CNOT6: variants seen among roughly 807,000 people sequenced by gnomAD.
The protein encoded by CNOT6 is CCR4-NOT transcription complex subunit 6.
Under a neutral mutation model 61.2 loss-of-function variants are expected in CNOT6, and 12 were observed. That is an observed-to-expected ratio of 0.20 (90% confidence interval 0.13 to 0.32). The LOEUF is 0.32. Ranked by LOEUF, CNOT6 falls within the 10% of genes least tolerant of loss-of-function variation. CNOT6 has a pLI of 1.00. For missense variants in CNOT6, 405 were observed against 663.9 expected (o/e 0.61, Z 4.28); for synonymous variants, 225 against 240.6 (o/e 0.94, Z 0.60).
intron 1 of CNOT6, 24 bp from the exon 2 acceptor site, chr5:180,529,251 C>G (rs780090211): frequency 2.8e-6 from 3 of 1,066,998 alleles, no homozygotes; most frequent in South Asian, 2.6e-5. Context: ...TTTTAGAATA[C>G]TGATTGGTTT....
rs1171830098 is a variant in CNOT6, at chr5:180,575,370, G to A, written c.*1170G>A. ...CCAGATCCAAGCACTGCTTCTCGGTGTCATTGCAGTGTGCTGCTTGTCACC... is the reference window on the plus strand; with the variant it reads ...CCAGATCCAAGCACTGCTTCTCGGTATCATTGCAGTGTGCTGCTTGTCACC... On this transcript the variant is annotated 3_prime_UTR_variant, in exon 12 of 12. Coordinates refer to ENST00000261951, the MANE Select transcript of CNOT6 (RefSeq NM_001370472.1). 6.6e-6 allele frequency: 1 copy of A among 152,068 alleles called. No individual in the cohort carries two copies. The highest frequency in any genetic ancestry group is 2.4e-5 in the African/African-American group (1 of 41,388). 9.4% of individuals were successfully genotyped at this position (152,068 alleles called of 1,614,324 possible). A position where few individuals can be genotyped will look rare whatever the true frequency, so the allele number is the denominator to read the frequency against.
At chr5:180,569,871 T>A (rs963960413) in intron 10 of CNOT6, among the ~76,000 whole-genome samples, 1 of 152,238 alleles carries the variant, frequency 6.6e-6, no homozygotes, top group Non-Finnish European at 1.5e-5. Flanking sequence ...AAGCCTGATC[T>A]GGAGCGCTCT....
At chr5:180,509,747 C>T (rs1480711639) in intron 1 of CNOT6, among the ~76,000 whole-genome samples, 1 of 151,504 alleles carries the variant, frequency 6.6e-6, no homozygotes, top group Non-Finnish European at 1.5e-5. Flanking sequence ...GACAGGATCT[C>T]CCTATGCTGC....
chr5:180,571,762 C>T (rs1581576913), intron 11 of CNOT6, among the ~76,000 whole-genome samples: 2 of 152,050 alleles, frequency 1.3e-5, no homozygotes, highest in Admixed American at 6.6e-5. Context: ...GATGGGGTCT[C>T]GCTATGCCCA....
intron 1 of CNOT6, among the ~76,000 whole-genome samples, chr5:180,499,113 A>G (rs1756750693): frequency 6.6e-6 from 1 of 152,172 alleles, no homozygotes. Flanking sequence ...TAACTTGGAT[A>G]TGGTGTCTTC....
intron 3 of CNOT6, among the ~76,000 whole-genome samples, chr5:180,551,197 T>C (rs1460041582): frequency 1.3e-4 from 19 of 148,442 alleles, no homozygotes; most frequent in Admixed American, 1.3e-3. Context: ...AAAAAAAAAA[T>C]CCCCAGATAA....
At chr5:180,500,058 G>C (rs1233971093) in intron 1 of CNOT6, among the ~76,000 whole-genome samples, 1 of 152,044 alleles carries the variant, frequency 6.6e-6, no homozygotes, top group Non-Finnish European at 1.5e-5. Context: ...TCTCTAATTT[G>C]TGTATCAATC....
chr5:180,569,457 C>G (rs1581573522), intron 10 of CNOT6, 117 bp downstream of exon 10: 2 of 798,442 alleles, frequency 2.5e-6, no homozygotes, highest in Admixed American at 2.6e-5. Context: ...GTAATGGCAG[C>G]TATGAGCAGG....
chr5:180,522,605 T>C (rs1757926653), intron 1 of CNOT6, among the ~76,000 whole-genome samples: 1 of 152,118 alleles, frequency 6.6e-6, no homozygotes, highest in Admixed American at 6.6e-5. Context: ...TGATTTGCAT[T>C]TTTCTGTTTA....
chr5:180,566,653 T>G (rs1228909815), intron 7 of CNOT6, among the ~76,000 whole-genome samples: 1 of 145,014 alleles, frequency 6.9e-6, no homozygotes, highest in East Asian at 2.0e-4. Context: ...TTTTTTTTTT[T>G]TTTTTTTTTT....
intron 1 of CNOT6, among the ~76,000 whole-genome samples, chr5:180,497,597 A>G (rs1171501641): frequency 1.3e-5 from 2 of 152,066 alleles, no homozygotes; most frequent in African/African-American, 2.4e-5. Context: ...GAAAGCATTT[A>G]TTACTTTGGA....
chr5:180,498,024 A>C (rs1265630872), intron 1 of CNOT6, among the ~76,000 whole-genome samples: 2 of 151,936 alleles, frequency 1.3e-5, no homozygotes, highest in African/African-American at 4.8e-5. Flanking sequence ...GCCTGGGCAA[A>C]AAGAGTGAAA....
intron 2 of CNOT6, among the ~76,000 whole-genome samples, chr5:180,546,131 T>C (rs984822892): frequency 6.6e-6 from 1 of 152,150 alleles, no homozygotes; most frequent in Non-Finnish European, 1.5e-5. Flanking sequence ...CCTGACCTCA[T>C]GATCCACCCG....
In CNOT6 at chr5:180,569,138, A is replaced by G. The variant is rs778107557; in HGVS notation, c.1056A>G (p.Lys352=). Residue 352 remains lysine, a synonymous_variant, in exon 10 of 12, where the codon AAA becomes AAG. Transcript: ENST00000261951. ...PSGKPHLGTE[K]QLILVANAHM... ...GAAAGCCACATCTTGGAACAGAAAA[A>G]CAACTTATTCTTGTGGCTAACGCCC... The G allele has an allele frequency of 6.2e-7, 1 of 1,614,018 alleles. No individual in the cohort carries two copies. The highest frequency in any genetic ancestry group is 8.5e-7 in the Non-Finnish European group (1 of 1,179,974).
chr5:180,500,314 G>A lies in CNOT6; in HGVS notation c.-3+5551G>A, dbSNP rs551529770. 6.6e-5 allele frequency among the ~76,000 whole-genome samples: 10 copies of A among 152,020 alleles called. No individual in the cohort carries two copies. The East Asian group carries it at 1.5e-3, about 24-fold the overall frequency. ...TTTAGTAGAGATGAGGTCTCTCTAC[G>A]TTGCCCGGTTTGGTCTCACACTCCT... On this transcript the variant is annotated intron_variant, in intron 1 of 11. Transcript: ENST00000261951.
At chr5:180,521,481 G>T (rs1012974487) in intron 1 of CNOT6, among the ~76,000 whole-genome samples, 1 of 152,142 alleles carries the variant, frequency 6.6e-6, no homozygotes, top group Admixed American at 6.5e-5. Flanking sequence ...ATCTTTTGGG[G>T]TGTGTATATT....
At chr5:180,561,519 T>C (rs1268070126) in intron 4 of CNOT6, among the ~76,000 whole-genome samples, 1 of 152,204 alleles carries the variant, frequency 6.6e-6, no homozygotes, top group Non-Finnish European at 1.5e-5. Flanking sequence ...TTTGATATCT[T>C]CGTGTCTTGG....
At chr5:180,521,573 TTTTA>T (rs1423603742) in intron 1 of CNOT6, among the ~76,000 whole-genome samples, 1 of 152,204 alleles carries the variant, frequency 6.6e-6, no homozygotes, top group Non-Finnish European at 1.5e-5. Context: ...TAGTTTCAAG[TTTTA>T]TTTTAGATCC....
intron 4 of CNOT6, among the ~76,000 whole-genome samples, chr5:180,557,645 T>G (rs1466888704): frequency 6.6e-6 from 1 of 152,208 alleles, no homozygotes; most frequent in African/African-American, 2.4e-5. Context: ...TTACACATAT[T>G]TCTCTCAGTA....
Sources: gnomAD v4.1 joint callset for allele counts (sites outside exome capture counted in the v4.1 genomes callset) on GRCh38, gnomAD v4.1.1 for gene constraint, MANE v1.5 for transcripts, NCBI Gene and HGNC (gene_info 2026-07-23, HGNC 2026-07-21) for gene names.